DBF4: variants seen among roughly 807,000 people sequenced by gnomAD.
DBF4 encodes DBF4-CDC7 kinase regulatory subunit, also known as protein DBF4 homolog A.
DBF4 carries 25 observed loss-of-function variants against 76.6 expected under a neutral mutation model. The ratio of observed to expected loss-of-function variants is 0.33; its 90% CI spans 0.24 to 0.46. The LOEUF is 0.46. Ranked by LOEUF, DBF4 falls within the 20% of genes least tolerant of loss-of-function variation. The pLI, the probability that DBF4 is intolerant of heterozygous loss-of-function variation, is 1.00. For missense variants in DBF4, 638 were observed against 760.8 expected, an observed-to-expected ratio of 0.84 and a Z score of 1.90; for synonymous variants, 213 against 258.0, an observed-to-expected ratio of 0.83 and a Z score of 1.67.
intron 6 of DBF4, 176 bp downstream of exon 6, chr7:87,888,235 T>A (rs1430150853): frequency 2.1e-6 from 2 of 954,826 alleles, no homozygotes; most frequent in African/African-American, 3.5e-5. Flanking sequence ...ACTCACCAGG[T>A]AAAAGTTGTT....
chr7:87,892,211 A>C (rs886684898), intron 6 of DBF4, among the ~76,000 whole-genome samples: 3 of 152,204 alleles, frequency 2.0e-5, no homozygotes, highest in Non-Finnish European at 4.4e-5. Context: ...TATCATACAG[A>C]ATGGTTCCAC....
At chr7:87,890,656 A>G (rs980380473) in intron 6 of DBF4, among the ~76,000 whole-genome samples, 1 of 152,192 alleles carries the variant, frequency 6.6e-6, no homozygotes, top group African/African-American at 2.4e-5. Flanking sequence ...TTTGAAAGAT[A>G]CTTAATTGGT....
chr7:87,879,706 C>G (rs1839163752), intron 2 of DBF4, among the ~76,000 whole-genome samples: 1 of 152,118 alleles, frequency 6.6e-6, no homozygotes, highest in Admixed American at 6.5e-5. Context: ...AATCCTAGCA[C>G]TTTTGGAGGC....
Position 87,904,314 on chromosome 7 carries a change from G to T in DBF4, c.947G>T (p.Arg316Ile). The change falls in exon 11 of 12, where the codon AGA (arginine) becomes ATA (isoleucine). Residue 316 changes from arginine (R) to isoleucine (I), a missense_variant. Arg to Ile is a moderately conservative substitution (Grantham distance 97). Coordinates refer to ENST00000265728, the MANE Select transcript of DBF4 (RefSeq NM_006716.4). The part of the protein sequence containing the change: ...LETHLLSEQH[R>I]NFAQSNQYQV... Reference sequence around the variant, plus strand: ...TAGCACCTTCTAAGTGAGCAACACAGAAACTTTGCACAGAGTAACCAGTAT... The same window carrying T: ...TAGCACCTTCTAAGTGAGCAACACATAAACTTTGCACAGAGTAACCAGTAT... The T allele has an allele frequency of 6.2e-7, 1 of 1,610,954 alleles. No homozygotes were observed. The highest frequency in any genetic ancestry group is 8.5e-7 in the Non-Finnish European group (1 of 1,179,262).
chr7:87,901,813 AATAG>A (rs1364055271), intron 10 of DBF4, among the ~76,000 whole-genome samples: 1 of 152,144 alleles, frequency 6.6e-6, no homozygotes, highest in Non-Finnish European at 1.5e-5. Context: ...TTTTTTACGT[AATAG>A]ATAGGTTTGT....
chr7:87,902,974 A>G (rs574749817), intron 10 of DBF4, among the ~76,000 whole-genome samples: 1 of 152,168 alleles, frequency 6.6e-6, no homozygotes, highest in Non-Finnish European at 1.5e-5. Flanking sequence ...ACAAATAATA[A>G]AGTTAGGCTG....
chr7:87,889,267 C>G (rs1049941942), intron 6 of DBF4, among the ~76,000 whole-genome samples: 1 of 151,192 alleles, frequency 6.6e-6, no homozygotes, highest in Admixed American at 6.6e-5. Flanking sequence ...GGCTTTTGAA[C>G]TCTTGAACAA....
chr7:87,881,300 G>C (rs1839208303), intron 2 of DBF4, among the ~76,000 whole-genome samples: 1 of 152,100 alleles, frequency 6.6e-6, no homozygotes, highest in South Asian at 2.1e-4. Flanking sequence ...CCCAGCTACT[G>C]GGGAGGCTGA....
chr7:87,883,587 C>T (rs1839271418), intron 2 of DBF4, among the ~76,000 whole-genome samples: 1 of 152,048 alleles, frequency 6.6e-6, no homozygotes, highest in Admixed American at 6.5e-5. Context: ...AGTCTAATCC[C>T]TGGAATAAAT....
chr7:87,886,946 A>C, intron 4 of DBF4, 52 bp downstream of exon 4: 1 of 1,203,666 alleles, frequency 8.3e-7, no homozygotes, highest in Non-Finnish European at 1.2e-6. Context: ...TTAAAAACTC[A>C]ACTGGAAATT....
chr7:87,880,415 G>A (rs1324365360), intron 2 of DBF4, among the ~76,000 whole-genome samples: 1 of 152,160 alleles, frequency 6.6e-6, no homozygotes, highest in Non-Finnish European at 1.5e-5. Flanking sequence ...AAAATCCAAA[G>A]CTGTGGATTT....
Position 87,907,913 on chromosome 7 carries a change from C to T in DBF4, c.1775C>T (p.Pro592Leu). 3 of 1,612,508 alleles carry T rather than the reference C, an allele frequency of 1.9e-6. No homozygotes were observed. Among genetic ancestry groups the T allele is most frequent in the Non-Finnish European group, 1.7e-6 (2 of 1,179,654 alleles). Residue 592 changes from proline to leucine, a missense_variant, in exon 12 of 12, where the codon CCA (proline) becomes CTA (leucine). Physicochemically the swap from Pro to Leu is moderately conservative, Grantham distance 98. Coordinates refer to ENST00000265728, the MANE Select transcript of DBF4 (RefSeq NM_006716.4). ...LGRNRKENLE[P>L]NAEFDKRTEF... ...CGAAATAGAAAAGAAAATCTGGAAC[C>T]AAATGCTGAATTTGATAAAAGAACT...
rs967143900 is a variant in DBF4 at position 87,900,887 on chromosome 7, G to C, written c.924+9G>C. 6.2e-7 allele frequency: 1 copy of C among 1,602,820 alleles called. No individual in the cohort carries two copies. The highest frequency in any genetic ancestry group is 1.1e-5 in the South Asian group (1 of 89,924). The stretch of plus-strand genomic sequence containing the variant: ...ATGAAGATCTAGAAACTGTAAATGT[G>C]ATTTTATATTTTGGGGGCTTGTTTC... On this transcript the variant is annotated intron_variant, in intron 10 of 11. Transcript: ENST00000265728.
In DBF4 at chr7:87,886,557, A is replaced by AT. The variant is rs1177605479; in HGVS notation, c.400-287_400-286insT. On this transcript the variant is annotated intron_variant, in intron 3 of 11. Transcript: ENST00000265728. ...CTCCAAAAAAAAAAAAAAAAAAAAA[A>AT]AGGTGAAATAACATGTGAAAACAGT... Among the ~76,000 whole-genome samples, 59 of 151,056 alleles carry AT rather than the reference A, an allele frequency of 3.9e-4. 1 individual carries two copies. The highest frequency in any genetic ancestry group is 1.4e-3 in the African/African-American group (56 of 41,202).
chr7:87,878,830 T>C (rs1839135838), intron 2 of DBF4, among the ~76,000 whole-genome samples: 1 of 152,240 alleles, frequency 6.6e-6, no homozygotes, highest in Admixed American at 6.5e-5. Flanking sequence ...ATGAGGTAAT[T>C]AAGATTTTTT....
At chr7:87,903,689 C>CTTTTTT (rs56740998) in intron 10 of DBF4, among the ~76,000 whole-genome samples, 22 of 98,090 alleles carry the variant, frequency 2.2e-4, no homozygotes, top group Non-Finnish European at 3.7e-4. Flanking sequence ...CTCTGTATCC[C>CTTTTTT]TTTTTTTTTT....
At chr7:87,897,250 ATCCT>A in intron 7 of DBF4, 40 bp from the exon 8 acceptor site, 1 of 1,545,966 alleles carries the variant, frequency 6.5e-7, no homozygotes, top group Admixed American at 2.0e-5. Context: ...AAAAAAAAGA[ATCCT>A]GAATTTGCAA....
intron 6 of DBF4, among the ~76,000 whole-genome samples, chr7:87,891,497 A>G (rs1202079391): frequency 2.0e-5 from 3 of 152,112 alleles, no homozygotes; most frequent in African/African-American, 7.2e-5. Flanking sequence ...TTTTCTCTTC[A>G]GTGCATGTTG....
intron 1 of DBF4, 60 bp from the exon 2 acceptor site, chr7:87,877,993 A>G: frequency 7.9e-7 from 1 of 1,270,952 alleles, no homozygotes; most frequent in Non-Finnish European, 1.1e-6. Flanking sequence ...GTATAATGAA[A>G]TATTTTAAAA....
Sources: allele counts gnomAD v4.1 joint callset (sites outside exome capture counted in the v4.1 genomes callset), GRCh38; gene constraint gnomAD v4.1.1; transcripts MANE v1.5; gene names NCBI Gene and HGNC (gene_info 2026-07-23, HGNC 2026-07-21).